Variants in RAPGEF4 observed in about 807,000 individuals in gnomAD.
The protein encoded by RAPGEF4 is Rap guanine nucleotide exchange factor 4.
Under a neutral mutation model 147.9 loss-of-function variants are expected in RAPGEF4, and 66 were observed. The ratio of observed to expected loss-of-function variants is 0.45; its 90% confidence interval spans 0.37 to 0.55. RAPGEF4 has a LOEUF of 0.55. Ranked by LOEUF, RAPGEF4 falls within the 20% of genes least tolerant of loss-of-function variation. The pLI is 0.00. For synonymous variants in RAPGEF4, 419 were observed against 442.7 expected (o/e 0.95, Z 0.67); for missense variants, 1,071 against 1,257.3 (o/e 0.85, Z 2.24).
intron 1 of RAPGEF4, among the ~76,000 whole-genome samples, chr2:172,768,267 ACAAT>A (rs1157417152): frequency 6.6e-6 from 1 of 152,194 alleles, no homozygotes; most frequent in Non-Finnish European, 1.5e-5. Flanking sequence ...GGACCAGCAG[ACAAT>A]CATTCATGCA....
rs368953969 is a variant in RAPGEF4 at position 172,920,909 on chromosome 2, G to A, written c.518-1372G>A. On this transcript the variant is annotated intron_variant, in intron 5 of 30. Coordinates refer to ENST00000397081, the MANE Select transcript of RAPGEF4 (RefSeq NM_007023.4). Reference sequence around the variant, plus strand: ...TCTGACAGACCTGGGAAGTGATAGCGAGCCTGTTAATACTCTCTGTTTCAG... The same window carrying A: ...TCTGACAGACCTGGGAAGTGATAGCAAGCCTGTTAATACTCTCTGTTTCAG... 8.7e-4 allele frequency among the ~76,000 whole-genome samples: 132 copies of A among 152,112 alleles called. 4 individuals carry two copies. The South Asian group carries it at 0.013, about 15-fold the overall frequency.
chr2:172,743,120 C>T (rs958161287), intron 1 of RAPGEF4, among the ~76,000 whole-genome samples: 6 of 152,140 alleles, frequency 3.9e-5, no homozygotes, highest in South Asian at 2.1e-4. Flanking sequence ...AATAAAATCA[C>T]GTTTGTGCAT....
intron 1 of RAPGEF4, among the ~76,000 whole-genome samples, chr2:172,755,647 C>T (rs143538417): frequency 0.014 from 2,177 of 152,242 alleles, 52 homozygotes; most frequent in African/African-American, 0.049. Context: ...CTGCCCACCT[C>T]GGCCTCCCAA....
intron 12 of RAPGEF4, among the ~76,000 whole-genome samples, chr2:172,986,433 C>G (rs1264021390): frequency 6.6e-6 from 1 of 152,144 alleles, no homozygotes; most frequent in African/African-American, 2.4e-5. Context: ...TACTTTCAGT[C>G]ATCAAAAATG....
intron 6 of RAPGEF4, among the ~76,000 whole-genome samples, chr2:172,926,568 A>G (rs1319546126): frequency 1.3e-5 from 2 of 151,556 alleles, no homozygotes; most frequent in South Asian, 2.1e-4. Flanking sequence ...TTGTTTGTTT[A>G]TTTGTTTGTT....
At chr2:172,964,401 ATTTT>A (rs11374637) in intron 8 of RAPGEF4, among the ~76,000 whole-genome samples, 23 of 115,162 alleles carry the variant, frequency 2.0e-4, no homozygotes, top group Non-Finnish European at 3.2e-4. Context: ...TGCTCCTCCT[ATTTT>A]TTTTTTTTTT....
At chr2:172,815,904 G>T (rs1559055354) in intron 4 of RAPGEF4, among the ~76,000 whole-genome samples, 1 of 152,014 alleles carries the variant, frequency 6.6e-6, no homozygotes, top group Non-Finnish European at 1.5e-5. Flanking sequence ...AAATCAAAAA[G>T]TATAGTACAA....
chr2:172,918,020 G>C (rs1684267722), intron 5 of RAPGEF4, 146 bp downstream of exon 5: 2 of 783,246 alleles, frequency 2.6e-6, no homozygotes, highest in African/African-American at 3.4e-5. Context: ...GCTCACACTG[G>C]AGATATTTTT....
Position 173,027,129 on chromosome 2 carries a change from A to T in RAPGEF4, c.2428A>T (p.Thr810Ser), listed in dbSNP as rs762975942. Residue 810 changes from threonine to serine, a missense_variant, in exon 25 of 31, where the codon ACA becomes TCA. Transcript: ENST00000397081. ...TGGAAGGCATAATTTTAAAAAGACC[A>T]CAGCAAACTTGGATTTGTTCCTGAG... ...TFGRHNFKKT[T>S]ANLDLFLRRF... The T allele has an allele frequency of 6.2e-7, 1 of 1,612,322 alleles. No homozygotes were observed. Among genetic ancestry groups the T allele is most frequent in the East Asian group, 2.2e-5 (1 of 44,852 alleles).
chr2:172,960,634 C>T, intron 6 of RAPGEF4, 126 bp from the exon 7 acceptor site: 1 of 680,614 alleles, frequency 1.5e-6, no homozygotes, highest in South Asian at 2.7e-5. Context: ...GAATTTATCT[C>T]TTATTTTTTT....
At chr2:172,870,439 G>A (rs1388142231) in intron 4 of RAPGEF4, among the ~76,000 whole-genome samples, 1 of 151,966 alleles carries the variant, frequency 6.6e-6, no homozygotes, top group African/African-American at 2.4e-5. Flanking sequence ...CATGAGAGAG[G>A]GAAAAAATGC....
At chr2:172,802,794 ATACAATGGGGG>A (rs1687108034) in intron 3 of RAPGEF4, among the ~76,000 whole-genome samples, 1 of 152,224 alleles carries the variant, frequency 6.6e-6, no homozygotes, top group African/African-American at 2.4e-5. Context: ...TATTTCCTAG[ATACAATGGGGG>A]TACAGGCATT....
At chr2:172,853,617 G>A (rs1693103057) in intron 4 of RAPGEF4, among the ~76,000 whole-genome samples, 1 of 151,534 alleles carries the variant, frequency 6.6e-6, no homozygotes, top group African/African-American at 2.4e-5. Context: ...AGCTTCTAAA[G>A]ATGGAAACTT....
At chr2:172,919,535 C>T (rs1053899006) in intron 5 of RAPGEF4, among the ~76,000 whole-genome samples, 1 of 152,062 alleles carries the variant, frequency 6.6e-6, no homozygotes, top group African/African-American at 2.4e-5. Context: ...GTACTTCTTC[C>T]CCCGCTTATG....
chr2:172,826,889 T>C (rs972313128), intron 4 of RAPGEF4, among the ~76,000 whole-genome samples: 7 of 151,700 alleles, frequency 4.6e-5, no homozygotes, highest in African/African-American at 1.7e-4. Context: ...ACGTAAGCCC[T>C]GGGAGCTTGA....
chr2:173,030,348 T>G, intron 26 of RAPGEF4, 94 bp downstream of exon 26: 1 of 973,832 alleles, frequency 1.0e-6, no homozygotes. Context: ...TCACTCACAC[T>G]AGTATAACAA....
chr2:172,884,463 T>C (rs1015324072), intron 4 of RAPGEF4, among the ~76,000 whole-genome samples: 2 of 152,228 alleles, frequency 1.3e-5, no homozygotes, highest in African/African-American at 2.4e-5. Context: ...TCAGTTTTGC[T>C]TGAAGAAACT....
intron 3 of RAPGEF4, among the ~76,000 whole-genome samples, chr2:172,812,366 C>T (rs1004114219): frequency 6.6e-6 from 1 of 152,132 alleles, no homozygotes. Context: ...GGAGTACAGT[C>T]GGCAGCACTA....
intron 26 of RAPGEF4, 139 bp from the exon 27 acceptor site, chr2:173,033,775 C>A: frequency 1.3e-6 from 1 of 763,000 alleles, no homozygotes; most frequent in Non-Finnish European, 2.1e-6. Flanking sequence ...AATGGCAAGA[C>A]AGATTACAGT....
Sources: gnomAD v4.1 joint callset for allele counts (sites outside exome capture counted in the v4.1 genomes callset) on GRCh38, gnomAD v4.1.1 for gene constraint, MANE v1.5 for transcripts, NCBI Gene and HGNC (gene_info 2026-07-23, HGNC 2026-07-21) for gene names.